CSMD2: variants seen among roughly 807,000 people sequenced by gnomAD.
The protein encoded by CSMD2 is CUB and Sushi multiple domains 2, also known as CUB and sushi domain-containing protein 2.
Under a neutral mutation model 398.5 loss-of-function variants are expected in CSMD2, and 130 were observed. The observed-to-expected ratio is 0.33, with a 90% CI of 0.28 to 0.38. The LOEUF is 0.38. CSMD2 is among the 10% of genes least tolerant of loss of function. The pLI, the probability that CSMD2 is intolerant of heterozygous loss-of-function variation, is 1.00. For missense variants in CSMD2, 3,829 were observed against 4,764.9 expected (o/e 0.80, Z 5.78); for synonymous variants, 1,828 against 1,908.5 (o/e 0.96, Z 1.10).
At chr1:33,617,271 G>T (rs911673446) in intron 38 of CSMD2, among the ~76,000 whole-genome samples, 1 of 152,226 alleles carries the variant, frequency 6.6e-6, no homozygotes, top group South Asian at 2.1e-4. Context: ...CCCTAAAGCC[G>T]AATCAAACCC....
intron 42 of CSMD2, among the ~76,000 whole-genome samples, chr1:33,603,994 T>C (rs1368720419): frequency 3.3e-5 from 5 of 152,224 alleles, no homozygotes; most frequent in Non-Finnish European, 7.3e-5. Flanking sequence ...GACTAGGCCC[T>C]AACCTAAGGG....
intron 68 of CSMD2, among the ~76,000 whole-genome samples, chr1:33,520,690 C>A (rs975506757): frequency 8.5e-5 from 13 of 152,214 alleles, no homozygotes; most frequent in African/African-American, 2.9e-4. Context: ...TGGGAGCAGA[C>A]CGTGGCTCAG....
intron 3 of CSMD2, among the ~76,000 whole-genome samples, chr1:33,937,287 G>C (rs748722299): frequency 5.3e-5 from 8 of 152,306 alleles, no homozygotes; most frequent in Non-Finnish European, 1.0e-4. Flanking sequence ...CCAGCTGGGG[G>C]AGAGGTCAGA....
intron 25 of CSMD2, among the ~76,000 whole-genome samples, chr1:33,666,286 A>G (rs1008180200): frequency 2.0e-5 from 3 of 152,220 alleles, no homozygotes; most frequent in Non-Finnish European, 4.4e-5. Context: ...GATTGGGATT[A>G]TATACACATT....
At position 34,158,518 on chromosome 1, in the gene CSMD2, G is replaced by T. The variant is rs568340186; in HGVS notation, c.187+6393C>A. On this transcript the variant is annotated intron_variant, in intron 1 of 70. Transcript: ENST00000373381. Reference sequence around the variant, plus strand: ...GCTGGGTTGATGGGTTGAGTGAGGGGACCAGGTTCTAAGGTGTGTGCTTTC... The same window carrying T: ...GCTGGGTTGATGGGTTGAGTGAGGGTACCAGGTTCTAAGGTGTGTGCTTTC... Among the ~76,000 whole-genome samples the T allele has an allele frequency of 3.3e-5, 5 of 152,304 alleles. No homozygotes were observed. In the South Asian group the frequency reaches 1.0e-3, roughly 32 times the overall value.
intron 23 of CSMD2, 113 bp downstream of exon 23, chr1:33,700,404 A>C: frequency 8.5e-7 from 1 of 1,170,784 alleles, no homozygotes; most frequent in Non-Finnish European, 1.2e-6. Flanking sequence ...TTGGATTTTA[A>C]AACAGTCTTA....
intron 3 of CSMD2, among the ~76,000 whole-genome samples, chr1:33,989,411 A>C (rs1646474721): frequency 6.6e-6 from 1 of 152,190 alleles, no homozygotes; most frequent in African/African-American, 2.4e-5. Context: ...TTTGGAAAAC[A>C]GTTGAGCAGT....
At chr1:33,637,920 A>G (rs1279326282) in intron 29 of CSMD2, among the ~76,000 whole-genome samples, 4 of 152,052 alleles carry the variant, frequency 2.6e-5, no homozygotes, top group Admixed American at 6.5e-5. Flanking sequence ...TCACCTGGGT[A>G]CCTTTTAGAT....
chr1:34,115,959 C>T (rs926281968), intron 1 of CSMD2, among the ~76,000 whole-genome samples: 70 of 151,430 alleles, frequency 4.6e-4, no homozygotes, highest in Non-Finnish European at 1.2e-4. Context: ...GAAGATGCAC[C>T]AAAGAATATA....
chr1:33,844,283 T>G (rs1425604708), intron 6 of CSMD2, among the ~76,000 whole-genome samples: 1 of 117,218 alleles, frequency 8.5e-6, no homozygotes, highest in Non-Finnish European at 1.9e-5. Flanking sequence ...TGACTGTGTG[T>G]GTGTGGGGGG....
At chr1:33,892,326 T>G (rs553034072) in intron 5 of CSMD2, among the ~76,000 whole-genome samples, 1 of 152,254 alleles carries the variant, frequency 6.6e-6, no homozygotes, top group East Asian at 1.9e-4. Flanking sequence ...ATTGATTTAT[T>G]TTTCATTTCA....
intron 3 of CSMD2, among the ~76,000 whole-genome samples, chr1:33,942,117 G>A (rs780326717): frequency 6.6e-6 from 1 of 152,194 alleles, no homozygotes; most frequent in Non-Finnish European, 1.5e-5. Context: ...AACCTATCGA[G>A]AGAGGTGCTA....
chr1:33,664,598 G>C (rs979308679), intron 25 of CSMD2, among the ~76,000 whole-genome samples: 1 of 152,048 alleles, frequency 6.6e-6, no homozygotes, highest in African/African-American at 2.4e-5. Flanking sequence ...ACGAGGTCAG[G>C]AGATCAAGAT....
intron 3 of CSMD2, among the ~76,000 whole-genome samples, chr1:34,006,967 C>A: frequency 6.6e-6 from 1 of 152,114 alleles, no homozygotes; most frequent in Non-Finnish European, 1.5e-5. Flanking sequence ...AAAAAATGTT[C>A]TCTCCCGGGG....
intron 19 of CSMD2, among the ~76,000 whole-genome samples, chr1:33,722,397 G>A (rs935191424): frequency 2.0e-5 from 3 of 152,204 alleles, no homozygotes; most frequent in South Asian, 2.1e-4. Flanking sequence ...GAACCATTTC[G>A]CACAATGTCA....
Position 34,107,092 on chromosome 1 carries a change from G to C in CSMD2, c.188-17899C>G, listed in dbSNP as rs543893580. ...GCAAGAGAAAGGGCCAGGTATCTCTGGGGCCAGGGGCCTCTGCCAGGCTGA... is the reference window on the plus strand; with the variant it reads ...GCAAGAGAAAGGGCCAGGTATCTCTCGGGCCAGGGGCCTCTGCCAGGCTGA... On this transcript the variant is annotated intron_variant, in intron 1 of 70. Coordinates refer to ENST00000373381, the MANE Select transcript of CSMD2 (RefSeq NM_001281956.2). Among the ~76,000 whole-genome samples, 4 of 152,082 alleles carry C rather than the reference G, an allele frequency of 2.6e-5. No individual in the cohort carries two copies. The East Asian group carries it at 7.8e-4, about 30-fold the overall frequency.
At position 33,542,757 on chromosome 1, in the gene CSMD2, G is replaced by C. The variant is rs746376275; in HGVS notation, c.9240C>G (p.Val3080=). The C allele has an allele frequency of 3.1e-6, 5 of 1,613,948 alleles. No individual in the cohort carries two copies. The African/African-American group carries it at 6.7e-5, about 22-fold the overall frequency. The change falls in exon 58 of 71, where the codon GTC becomes GTG. Residue 3080 remains valine, a synonymous_variant. Transcript: ENST00000373381. ...ATGLLSRHCS[V]NGTWTGSDPE... ...GGTCACTGCCTGTCCAGGTACCATT[G>C]ACCGAGCAGTGACGGCTGAGCAGGC...
In CSMD2 at chr1:33,633,429, G is replaced by A; in HGVS notation, c.5193C>T (p.Ser1731=). The A allele has an allele frequency of 1.3e-6, 2 of 1,551,442 alleles. No homozygotes were observed. The highest frequency in any genetic ancestry group is 1.2e-5 in the South Asian group (1 of 84,056). ...HSRLLSSLSG[S]HTGESLPLAT... is the part of the protein sequence containing the mutation. Reference sequence around the variant, plus strand: ...TGGCCGAGCCCCGGATACCTGTATGGGAGCCCGAGAGGGAGCTGAGGAGCC... The same window carrying A: ...TGGCCGAGCCCCGGATACCTGTATGAGAGCCCGAGAGGGAGCTGAGGAGCC... The change falls in exon 32 of 71, where the codon TCC becomes TCT. Residue 1731 remains serine (S), a synonymous_variant. Coordinates refer to ENST00000373381, the MANE Select transcript of CSMD2 (RefSeq NM_001281956.2). The surrounding 1 kb of genome is among the most constrained non-coding windows in gnomAD (Gnocchi z 5.0).
intron 56 of CSMD2, among the ~76,000 whole-genome samples, chr1:33,547,542 T>C (rs1657029279): frequency 6.6e-6 from 1 of 152,258 alleles, no homozygotes; most frequent in Non-Finnish European, 1.5e-5. Context: ...TTGCCATTTA[T>C]GTCTTTTCCA....
Sources: gnomAD v4.1 joint callset for allele counts (sites outside exome capture counted in the v4.1 genomes callset) on GRCh38, gnomAD v4.1.1 for gene constraint, Gnocchi (gnomAD v3.1) non-coding constraint, MANE v1.5 for transcripts, NCBI Gene and HGNC (gene_info 2026-07-23, HGNC 2026-07-21) for gene names.